The following MCPH1 variants were observed in gnomAD, a reference collection of about 807,000 sequenced individuals.
MCPH1 encodes microcephalin.
MCPH1 carries 104 observed loss-of-function variants against 84.5 expected under a neutral mutation model. That is an observed-to-expected ratio of 1.23 (90% CI 1.05 to 1.45). The LOEUF is 1.45. Among genes scored for constraint, MCPH1 ranks in the 40% most tolerant of loss-of-function variants. The pLI, the probability that MCPH1 is intolerant of heterozygous loss-of-function variation, is 0.00. For missense variants in MCPH1, 1,498 were observed against 1,005.7 expected (o/e 1.49, Z -6.62); for synonymous variants, 514 against 366.8 (o/e 1.40, Z -4.58).
chr8:6,492,508 T>C (rs878985895), intron 11 of MCPH1, among the ~76,000 whole-genome samples: 2 of 151,914 alleles, frequency 1.3e-5, no homozygotes, highest in African/African-American at 4.8e-5. Context: ...TTGGCTTTTG[T>C]TGCCATTGCA....
intron 12 of MCPH1, among the ~76,000 whole-genome samples, chr8:6,620,668 T>G (rs769602935): frequency 6.6e-6 from 1 of 152,184 alleles, no homozygotes; most frequent in Non-Finnish European, 1.5e-5. Flanking sequence ...GGATGGCACA[T>G]AACCCATAGC....
intron 12 of MCPH1, among the ~76,000 whole-genome samples, chr8:6,516,712 T>C (rs1330179663): frequency 6.6e-6 from 1 of 152,238 alleles, no homozygotes; most frequent in Non-Finnish European, 1.5e-5. Context: ...CTAAATGGTA[T>C]GCTCTTGGGT....
At chr8:6,424,716 C>A (rs1289482914) in intron 3 of MCPH1, among the ~76,000 whole-genome samples, 1 of 152,202 alleles carries the variant, frequency 6.6e-6, no homozygotes, top group Non-Finnish European at 1.5e-5. Flanking sequence ...AACTGCTGGG[C>A]TCTAGGTTCC....
intron 10 of MCPH1, 77 bp downstream of exon 10, chr8:6,477,708 T>A (rs1808666799): frequency 1.1e-5 from 13 of 1,165,100 alleles, no homozygotes; most frequent in Non-Finnish European, 1.6e-5. Flanking sequence ...TGGGTGCCTT[T>A]AGGCAACTTG....
At chr8:6,505,920 A>G (rs1813589666) in intron 12 of MCPH1, among the ~76,000 whole-genome samples, 1 of 91,474 alleles carries the variant, frequency 1.1e-5, no homozygotes, top group Non-Finnish European at 2.0e-5. Context: ...TTATATATGT[A>G]TATATAAAAA....
chr8:6,566,299 G>T (rs1826144722), intron 12 of MCPH1, among the ~76,000 whole-genome samples: 1 of 152,260 alleles, frequency 6.6e-6, no homozygotes, highest in Non-Finnish European at 1.5e-5. Context: ...GGTAGGAGGT[G>T]CTGGGCAAGG....
chr8:6,530,056 A>G (rs1458913833), intron 12 of MCPH1, among the ~76,000 whole-genome samples: 1 of 151,998 alleles, frequency 6.6e-6, no homozygotes, highest in African/African-American at 2.4e-5. Flanking sequence ...GGATCTAACT[A>G]TTATTTTAAA....
intron 12 of MCPH1, among the ~76,000 whole-genome samples, chr8:6,528,625 A>T (rs970811665): frequency 6.6e-6 from 1 of 152,262 alleles, no homozygotes; most frequent in African/African-American, 2.4e-5. Context: ...TGGCATGAGC[A>T]GTGCGGCTCT....
At chr8:6,475,378 C>T (rs1585990936) in intron 9 of MCPH1, among the ~76,000 whole-genome samples, 3 of 152,328 alleles carry the variant, frequency 2.0e-5, no homozygotes, top group African/African-American at 7.2e-5. Flanking sequence ...ATGTGCTTAT[C>T]CTGGCAGACG....
intron 13 of MCPH1, among the ~76,000 whole-genome samples, chr8:6,627,958 AAC>A (rs1796869782): frequency 6.6e-6 from 1 of 152,032 alleles, no homozygotes; most frequent in Non-Finnish European, 1.5e-5. Context: ...AAAATTAACT[AAC>A]TGCTAGCTCC....
chr8:6,514,893 G>A (rs768497220), intron 12 of MCPH1: 2 of 786,346 alleles, frequency 2.5e-6, no homozygotes, highest in Non-Finnish European at 4.2e-6. Context: ...GGGTTCTCTG[G>A]GATATAAGGC....
chr8:6,626,749 T>C, intron 13 of MCPH1: 1 of 985,306 alleles, frequency 1.0e-6, no homozygotes, highest in Non-Finnish European at 1.2e-6. Context: ...TCACAAGCCC[T>C]TGGGTGGAGC....
At chr8:6,484,072 A>T (rs1270264085) in intron 11 of MCPH1, among the ~76,000 whole-genome samples, 3 of 152,222 alleles carry the variant, frequency 2.0e-5, no homozygotes, top group Non-Finnish European at 4.4e-5. Context: ...AAACATAGAT[A>T]AGTTAGATTT....
chr8:6,506,448 C>G (rs774066467), intron 12 of MCPH1, among the ~76,000 whole-genome samples: 2 of 152,072 alleles, frequency 1.3e-5, no homozygotes, highest in African/African-American at 2.4e-5. Context: ...TATATTGTTT[C>G]CTTGGTTATT....
intron 12 of MCPH1, among the ~76,000 whole-genome samples, chr8:6,569,884 C>G (rs978157151): frequency 1.3e-5 from 2 of 152,206 alleles, no homozygotes; most frequent in East Asian, 1.9e-4. Context: ...TTCTCTTGAG[C>G]TGGAGCCACT....
intron 12 of MCPH1, among the ~76,000 whole-genome samples, chr8:6,525,010 C>G (rs1470404449): frequency 1.3e-5 from 2 of 152,224 alleles, no homozygotes; most frequent in Non-Finnish European, 2.9e-5. Flanking sequence ...AAATAAAGCT[C>G]TATGTAAAAT....
chr8:6,594,630 T>C (rs1049782116), intron 12 of MCPH1, among the ~76,000 whole-genome samples: 1 of 152,150 alleles, frequency 6.6e-6, no homozygotes, highest in African/African-American at 2.4e-5. Flanking sequence ...AACTGGCCTT[T>C]TTTCTGGAGA....
chr8:6,467,757 C>T (rs1261205244), intron 9 of MCPH1, among the ~76,000 whole-genome samples: 2 of 152,108 alleles, frequency 1.3e-5, no homozygotes, highest in African/African-American at 4.8e-5. Context: ...CCACCATGCT[C>T]AGCTAATTTT....
chr8:6,428,752 C>G (rs1801424515), intron 3 of MCPH1, among the ~76,000 whole-genome samples: 1 of 123,866 alleles, frequency 8.1e-6, no homozygotes, highest in South Asian at 2.5e-4. Context: ...CACGCACACA[C>G]ACACACACAC....
Sources: gnomAD v4.1 joint callset for allele counts (sites outside exome capture counted in the v4.1 genomes callset) on GRCh38, gnomAD v4.1.1 for gene constraint, MANE v1.5 for transcripts, NCBI Gene and HGNC (gene_info 2026-07-23, HGNC 2026-07-21) for gene names.